IQCM: variants seen among roughly 807,000 people sequenced by gnomAD.
IQCM encodes IQ motif containing M.
A neutral mutation model predicts 57.6 loss-of-function variants in IQCM; 45 were observed. That is an observed-to-expected ratio of 0.78 (90% CI 0.62 to 1.00). The LOEUF (loss-of-function observed/expected upper bound fraction) is 1.00, where lower values mean the gene tolerates loss of function less well. IQCM is among the 50% of genes least tolerant of loss of function. IQCM has a pLI of 0.00. For missense variants in IQCM, 468 were observed against 511.6 expected, an observed-to-expected ratio of 0.91 and a Z score of 0.82; for synonymous variants, 148 against 158.9, an observed-to-expected ratio of 0.93 and a Z score of 0.51.
intron 7 of IQCM, among the ~76,000 whole-genome samples, chr4:149,649,476 G>A (rs1758958214): frequency 6.6e-6 from 1 of 152,044 alleles, no homozygotes; most frequent in South Asian, 2.1e-4. Flanking sequence ...AACAAAAATT[G>A]ATCTGTGGGG....
chr4:149,603,732 G>C (rs944807048), intron 8 of IQCM, among the ~76,000 whole-genome samples: 2 of 151,442 alleles, frequency 1.3e-5, no homozygotes, highest in Non-Finnish European at 2.9e-5. Context: ...AAAAAAAAAA[G>C]TCAACTTCAG....
chr4:149,475,327 G>A (rs1351635036), intron 12 of IQCM, among the ~76,000 whole-genome samples: 1 of 152,150 alleles, frequency 6.6e-6, no homozygotes, highest in Non-Finnish European at 1.5e-5. Context: ...GCAATTGGAA[G>A]GATGGAGTTG....
chr4:149,554,636 A>AT (rs1343331435), intron 10 of IQCM, among the ~76,000 whole-genome samples: 1 of 149,580 alleles, frequency 6.7e-6, no homozygotes. Flanking sequence ...ATTCTACAAG[A>AT]TTTTTTGTTT....
At chr4:149,412,066 TTGTGTGTG>T (rs35663253) in intron 13 of IQCM, among the ~76,000 whole-genome samples, 17 of 148,834 alleles carry the variant, frequency 1.1e-4, no homozygotes, top group African/African-American at 3.9e-4. Context: ...GTGTGTGTGT[TTGTGTGTG>T]TGTGTGTGTG....
chr4:149,412,189 G>T (rs1733435944), intron 13 of IQCM, among the ~76,000 whole-genome samples: 1 of 151,986 alleles, frequency 6.6e-6, no homozygotes, highest in Admixed American at 6.6e-5. Context: ...TGGCCCCACA[G>T]TAGATATGCT....
intron 12 of IQCM, among the ~76,000 whole-genome samples, chr4:149,505,426 C>G (rs542551196): frequency 6.6e-6 from 1 of 152,150 alleles, no homozygotes; most frequent in Non-Finnish European, 1.5e-5. Context: ...AAATTAAAGG[C>G]TCTGAAAACT....
At chr4:149,773,812 T>G (rs754124762) in intron 2 of IQCM, among the ~76,000 whole-genome samples, 1 of 152,142 alleles carries the variant, frequency 6.6e-6, no homozygotes, top group Non-Finnish European at 1.5e-5. Context: ...GGTGAACTGG[T>G]ATCATGCATA....
At chr4:149,424,206 A>T (rs1331232946) in intron 13 of IQCM, among the ~76,000 whole-genome samples, 2 of 151,834 alleles carry the variant, frequency 1.3e-5, no homozygotes, top group African/African-American at 4.8e-5. Context: ...AAAATGTAAA[A>T]CTATTTTTAA....
At chr4:149,478,004 A>T (rs1398398924) in intron 12 of IQCM, among the ~76,000 whole-genome samples, 1 of 152,194 alleles carries the variant, frequency 6.6e-6, no homozygotes, top group Non-Finnish European at 1.5e-5. Context: ...TCTGTTTATT[A>T]ATCTATAAAA....
intron 5 of IQCM, among the ~76,000 whole-genome samples, chr4:149,731,772 A>G (rs998027979): frequency 7.9e-5 from 12 of 152,234 alleles, no homozygotes; most frequent in African/African-American, 2.9e-4. Context: ...AAGGTTAAAA[A>G]CAGTAAACAG....
In IQCM at chr4:149,503,553, G is replaced by T. The variant is rs140096624; in HGVS notation, c.1228+44902C>A. On this transcript the variant is annotated intron_variant, in intron 12 of 13. Transcript: ENST00000636793. ...TTTTTGATGTGCAGCCAAATTGTAG[G>T]AGACATGTAAATGCTAAAGACTTAC... Among the ~76,000 whole-genome samples, 66 of 152,194 alleles carry T rather than the reference G, an allele frequency of 4.3e-4. 1 individual carries two copies. Among genetic ancestry groups the T allele is most frequent in the African/African-American group, 1.5e-3 (62 of 41,552 alleles).
rs567289130 is a variant in IQCM, at chr4:149,542,615, A to G, written c.1228+5840T>C. Among the ~76,000 whole-genome samples the G allele has an allele frequency of 2.0e-5, 3 of 152,194 alleles. No homozygotes were observed. In the South Asian group the frequency reaches 6.2e-4, roughly 32 times the overall value. On this transcript the variant is annotated intron_variant, in intron 12 of 13. Transcript: ENST00000636793. ...GCATATAGATCATTATGATAATCGA[A>G]AGGGATGATATGGGTAGAAACCAAC...
intron 2 of IQCM, among the ~76,000 whole-genome samples, chr4:149,801,453 C>A (rs1007356357): frequency 2.0e-5 from 3 of 151,962 alleles, no homozygotes; most frequent in African/African-American, 7.2e-5. Flanking sequence ...ATGTTTGTTG[C>A]AGCTCTGTTC....
chr4:149,360,918 C>T (rs920910816), intron 13 of IQCM, among the ~76,000 whole-genome samples: 1 of 152,168 alleles, frequency 6.6e-6, no homozygotes, highest in African/African-American at 2.4e-5. Flanking sequence ...GTTTGGAGGG[C>T]TCAGAAGAAG....
intron 5 of IQCM, among the ~76,000 whole-genome samples, chr4:149,700,630 C>A (rs1164590900): frequency 2.6e-5 from 4 of 151,898 alleles, no homozygotes; most frequent in African/African-American, 9.7e-5. Context: ...TGCACCAAAC[C>A]ATAGAGTGTG....
At chr4:149,603,125 T>C (rs1754467281) in intron 8 of IQCM, among the ~76,000 whole-genome samples, 1 of 152,134 alleles carries the variant, frequency 6.6e-6, no homozygotes, top group South Asian at 2.1e-4. Flanking sequence ...TGGTAAGAAA[T>C]ATATTAATCT....
At chr4:149,786,722 A>G (rs1772112156) in intron 2 of IQCM, among the ~76,000 whole-genome samples, 1 of 152,176 alleles carries the variant, frequency 6.6e-6, no homozygotes, top group Admixed American at 6.5e-5. Flanking sequence ...ATGCTTTTAC[A>G]CTGTTGGTGG....
chr4:149,788,211 G>A (rs1772249064), intron 2 of IQCM, among the ~76,000 whole-genome samples: 4 of 152,166 alleles, frequency 2.6e-5, no homozygotes, highest in Admixed American at 2.6e-4. Flanking sequence ...GCACAAGTCT[G>A]TAATCCCAGC....
At chr4:149,445,537 C>T (rs918618568) in intron 12 of IQCM, among the ~76,000 whole-genome samples, 4 of 151,748 alleles carry the variant, frequency 2.6e-5, no homozygotes, top group African/African-American at 7.2e-5. Flanking sequence ...ATCAAATATA[C>T]AGCCTCACTT....
Sources: gnomAD v4.1 joint callset for allele counts (sites outside exome capture counted in the v4.1 genomes callset) on GRCh38, gnomAD v4.1.1 for gene constraint, MANE v1.5 for transcripts, NCBI Gene and HGNC (gene_info 2026-07-23, HGNC 2026-07-21) for gene names.